The following CYP2C19 variants were observed in gnomAD, a reference collection of about 807,000 sequenced individuals.
The protein encoded by CYP2C19 is cytochrome P450 2C19.
CYP2C19 carries 59 observed loss-of-function variants against 40.9 expected under a neutral mutation model. The ratio of observed to expected loss-of-function variants is 1.44; its 90% CI spans 1.17 to 1.79. The LOEUF is 1.79. CYP2C19 is among the 40% of genes most tolerant of loss of function. The pLI is 0.00. For missense variants in CYP2C19, 754 were observed against 596.9 expected, an observed-to-expected ratio of 1.26 and a Z score of -2.74; for synonymous variants, 253 against 208.7, an observed-to-expected ratio of 1.21 and a Z score of -1.83.
intron 7 of CYP2C19, 112 bp from the exon 8 acceptor site, chr10:94,849,805 G>T (rs939747430): frequency 2.3e-6 from 3 of 1,314,438 alleles, no homozygotes; most frequent in Non-Finnish European, 3.3e-6. Context: ...CTCTTCTTTG[G>T]AATGGTGTTT....
chr10:94,844,503 C>T (rs945199069), intron 7 of CYP2C19, among the ~76,000 whole-genome samples: 1 of 152,186 alleles, frequency 6.6e-6, no homozygotes, highest in Non-Finnish European at 1.5e-5. Flanking sequence ...CATCCAGACA[C>T]TCTAGTTGCC....
chr10:94,803,028 A>G (rs1412705475), intron 5 of CYP2C19, among the ~76,000 whole-genome samples: 3 of 151,862 alleles, frequency 2.0e-5, no homozygotes, highest in Admixed American at 1.3e-4. Context: ...TTTCCTTCAT[A>G]TCATATTTTG....
chr10:94,851,173 G>C (rs1257898909), intron 8 of CYP2C19, among the ~76,000 whole-genome samples: 1 of 152,048 alleles, frequency 6.6e-6, no homozygotes, highest in African/African-American at 2.4e-5. Flanking sequence ...TGGCTGGGAG[G>C]ACTCAGGAAA....
intron 6 of CYP2C19, among the ~76,000 whole-genome samples, chr10:94,830,254 C>T (rs1048607017): frequency 6.6e-6 from 1 of 152,254 alleles, no homozygotes; most frequent in Non-Finnish European, 1.5e-5. Flanking sequence ...CTCCCCCAGC[C>T]TTGCTGCCAC....
chr10:94,829,387 T>C (rs989852663), intron 6 of CYP2C19, among the ~76,000 whole-genome samples: 2 of 152,204 alleles, frequency 1.3e-5, no homozygotes, highest in Admixed American at 1.3e-4. Flanking sequence ...TACTCTAAAC[T>C]TCCCTTCTCG....
At position 94,839,652 on chromosome 10, in the gene CYP2C19, G is replaced by A. The variant is rs539734547; in HGVS notation, c.962-3185G>A. Among the ~76,000 whole-genome samples the A allele has an allele frequency of 3.0e-4, 46 of 152,328 alleles. No individual in the cohort carries two copies. The East Asian group carries it at 8.1e-3, about 27-fold the overall frequency. On this transcript the variant is annotated intron_variant, in intron 6 of 8. Coordinates refer to ENST00000371321, the MANE Select transcript of CYP2C19 (RefSeq NM_000769.4). The stretch of plus-strand genomic sequence containing the variant: ...TCTTTTGATTCTGTAAGTACTTTAA[G>A]TCTTGGCTGAGTGCAAAGAGTTCGC...
At chr10:94,845,164 T>C (rs1849553579) in intron 7 of CYP2C19, among the ~76,000 whole-genome samples, 1 of 152,186 alleles carries the variant, frequency 6.6e-6, no homozygotes. Context: ...GAGATAATAG[T>C]CTGAGAGAGG....
intron 8 of CYP2C19, among the ~76,000 whole-genome samples, chr10:94,851,107 A>G (rs1294353685): frequency 6.6e-6 from 1 of 152,140 alleles, no homozygotes; most frequent in Non-Finnish European, 1.5e-5. Flanking sequence ...AGACTGGGTA[A>G]TTTATGAAGA....
chr10:94,816,275 T>A (rs1299045034), intron 5 of CYP2C19, among the ~76,000 whole-genome samples: 1 of 151,506 alleles, frequency 6.6e-6, no homozygotes, highest in Non-Finnish European at 1.5e-5. Context: ...TATTTTTATT[T>A]TTTTTATTTT....
intron 7 of CYP2C19, among the ~76,000 whole-genome samples, chr10:94,844,005 T>G (rs1322952793): frequency 6.6e-6 from 1 of 152,204 alleles, no homozygotes; most frequent in Non-Finnish European, 1.5e-5. Context: ...GAATTTATAT[T>G]CTTCATATTG....
chr10:94,848,164 C>T (rs190146181), intron 7 of CYP2C19, among the ~76,000 whole-genome samples: 140 of 152,268 alleles, frequency 9.2e-4, no homozygotes, highest in African/African-American at 3.1e-3. Flanking sequence ...TGCCTATGTC[C>T]TGAGTGGTAT....
chr10:94,793,937 A>C (rs1204577229), intron 5 of CYP2C19, among the ~76,000 whole-genome samples: 2 of 152,132 alleles, frequency 1.3e-5, no homozygotes, highest in Non-Finnish European at 2.9e-5. Flanking sequence ...CCTTTTGTTC[A>C]GCTATGCCCT....
At chr10:94,800,829 C>G (rs1564669366) in intron 5 of CYP2C19, among the ~76,000 whole-genome samples, 1 of 152,212 alleles carries the variant, frequency 6.6e-6, no homozygotes, top group African/African-American at 2.4e-5. Flanking sequence ...CTGAGCCAGG[C>G]ACGGGAGAGA....
intron 5 of CYP2C19, among the ~76,000 whole-genome samples, chr10:94,797,291 C>T (rs190964984): frequency 0.013 from 1,999 of 152,080 alleles, 59 homozygotes; most frequent in African/African-American, 0.046. Context: ...TGCTGGATTA[C>T]GTTTATTGAT....
chr10:94,831,363 A>G (rs1028741402), intron 6 of CYP2C19, among the ~76,000 whole-genome samples: 1 of 152,218 alleles, frequency 6.6e-6, no homozygotes. Context: ...TCTCTTTGAT[A>G]TAGTTATTTC....
intron 5 of CYP2C19, among the ~76,000 whole-genome samples, chr10:94,817,342 T>G (rs1849022222): frequency 1.3e-5 from 2 of 150,718 alleles, no homozygotes. Flanking sequence ...ATGATGAGCA[T>G]TTTTTCATGT....
intron 5 of CYP2C19, among the ~76,000 whole-genome samples, chr10:94,808,813 C>A (rs550971685): frequency 1.3e-5 from 2 of 152,116 alleles, no homozygotes; most frequent in East Asian, 1.9e-4. Context: ...ATATGTACCA[C>A]GTTTTCTTTA....
At position 94,823,331 on chromosome 10, in the gene CYP2C19, C is replaced by T. The variant is rs571474334; in HGVS notation, c.961+2694C>T. Among the ~76,000 whole-genome samples, 4 of 152,214 alleles carry T rather than the reference C, an allele frequency of 2.6e-5. No homozygotes were observed. The South Asian group carries it at 8.3e-4, about 32-fold the overall frequency. On this transcript the variant is annotated intron_variant, in intron 6 of 8. Transcript: ENST00000371321. Reference sequence around the variant, plus strand: ...TCTAGAGAAACTGAGTTTAAGAAGCCCCATACTCAGGGACAAAGGGCAGTG... The same window carrying T: ...TCTAGAGAAACTGAGTTTAAGAAGCTCCATACTCAGGGACAAAGGGCAGTG...
At chr10:94,769,540 G>A (rs1459233166) in intron 1 of CYP2C19, among the ~76,000 whole-genome samples, 1 of 152,188 alleles carries the variant, frequency 6.6e-6, no homozygotes, top group African/African-American at 2.4e-5. Flanking sequence ...ACTGGATATA[G>A]AGGAATTACT....
Sources: gnomAD v4.1 joint callset for allele counts (sites outside exome capture counted in the v4.1 genomes callset) on GRCh38, gnomAD v4.1.1 for gene constraint, MANE v1.5 for transcripts, NCBI Gene and HGNC (gene_info 2026-07-23, HGNC 2026-07-21) for gene names.